The following LRRC57 variants were observed in gnomAD, a reference collection of about 807,000 sequenced individuals.
LRRC57 encodes leucine rich repeat containing 57.
A neutral mutation model predicts 23.1 loss-of-function variants in LRRC57; 14 were observed. The ratio of observed to expected loss-of-function variants is 0.61; its 90% CI spans 0.40 to 0.95. LRRC57 has a LOEUF of 0.95. Among genes scored for constraint, LRRC57 ranks in the 40% least tolerant of loss-of-function variants. The pLI, the probability that LRRC57 is intolerant of heterozygous loss-of-function variation, is 0.00. For missense variants in LRRC57, 236 were observed against 284.4 expected, an observed-to-expected ratio of 0.83 and a Z score of 1.22; for synonymous variants, 106 against 115.2, an observed-to-expected ratio of 0.92 and a Z score of 0.51.
rs749221618 is a variant in LRRC57, at chr15:42,547,432, G to C, written c.321C>G (p.Leu107=). The C allele has an allele frequency of 2.5e-6, 4 of 1,614,198 alleles. No individual in the cohort carries two copies. The highest frequency in any genetic ancestry group is 2.2e-5 in the East Asian group (1 of 44,884). The change falls in exon 4 of 6, where the codon CTC becomes CTG. Residue 107 remains leucine (L), a synonymous_variant. Transcript: ENST00000397130. ...LRELPSTFGQ[L]SALKTLSLSG... ...AGAGGCTCAGGGTCTTGAGGGCAGA[G>C]AGTTGCCCAAAGGTAGACGGCAGCT...
At chr15:42,546,202 A>G (rs2057657641) in intron 4 of LRRC57, among the ~76,000 whole-genome samples, 1 of 152,192 alleles carries the variant, frequency 6.6e-6, no homozygotes, top group African/African-American at 2.4e-5. Flanking sequence ...AATAACTAGC[A>G]ATGCAAGTTC....
downstream of LRRC57, among the ~76,000 whole-genome samples, chr15:42,533,811 A>G (rs566165761): frequency 1.8e-3 from 280 of 152,358 alleles, 3 homozygotes; most frequent in African/African-American, 6.5e-3. Context: ...CAATGAAGTG[A>G]GGCACATGAA....
At position 42,547,540 on chromosome 15, in the gene LRRC57, A is replaced by C. The variant is rs2057666143; in HGVS notation, c.224-11T>G. Reference sequence around the variant, plus strand: ...CATCAGGCAGAACAGCTGGCAAAGAAAAATTTTTTTAAAACCTGAATGTGA... The same window carrying C: ...CATCAGGCAGAACAGCTGGCAAAGACAAATTTTTTTAAAACCTGAATGTGA... On this transcript the variant is annotated splice_polypyrimidine_tract_variant and intron_variant, in intron 3 of 5. Coordinates refer to ENST00000397130, the MANE Select transcript of LRRC57 (RefSeq NM_153260.3). 1.3e-6 allele frequency: 2 copies of C among 1,592,806 alleles called. No individual in the cohort carries two copies. The highest frequency in any genetic ancestry group is 2.7e-5 in the African/African-American group (2 of 73,928).
At chr15:42,529,184 G>A in the LRRC57 span, among the ~76,000 whole-genome samples, 234 of 152,274 alleles carry the variant, frequency 1.5e-3, 2 homozygotes, top group Non-Finnish European at 2.6e-3. Flanking sequence ...GCACAGCTGT[G>A]TTTGAATAAC....
rs2057676337 is a variant in LRRC57, at chr15:42,548,408, A to G, written c.27T>C (p.His9=). The G allele has an allele frequency of 2.5e-6, 4 of 1,613,966 alleles. No individual in the cohort carries two copies. The highest frequency in any genetic ancestry group is 3.4e-6 in the Non-Finnish European group (4 of 1,180,036). Residue 9 remains histidine (H), a synonymous_variant, in exon 2 of 6, where the codon CAT becomes CAC. Coordinates refer to ENST00000397130, the MANE Select transcript of LRRC57 (RefSeq NM_153260.3). ...CACCAGTTTTCTGCGCCGTTTCCAC[A>G]TGAGCGCGGAGCGCACTGTTTCCCA... is the stretch of plus-strand genomic sequence containing the variant. The part of the protein sequence containing the change: MGNSALRA[H]VETAQKTGVF...
rs938074497 is a variant in LRRC57, at chr15:42,541,449, A to G, written c.*2634T>C. The stretch of plus-strand genomic sequence containing the variant: ...AACCTGGTAGGTGGAGGTTGCAGTG[A>G]GCCAAGATAGTGCTACTGCGCTCCA... On this transcript the variant is annotated 3_prime_UTR_variant, in exon 6 of 6. Coordinates refer to ENST00000397130, the MANE Select transcript of LRRC57 (RefSeq NM_153260.3). 1.3e-5 allele frequency: 2 copies of G among 152,272 alleles called. No individual in the cohort carries two copies. The highest frequency in any genetic ancestry group is 1.5e-5 in the Non-Finnish European group (1 of 68,062). 9.4% of individuals were successfully genotyped at this position (152,272 alleles called of 1,614,324 possible).
rs961553409 is a variant in LRRC57 at position 42,538,410 on chromosome 15, G to A, written c.*5673C>T. 6.6e-6 allele frequency: 1 copy of A among 152,102 alleles called. No individual in the cohort carries two copies. Among genetic ancestry groups the A allele is most frequent in the African/African-American group, 2.4e-5 (1 of 41,428 alleles). 9.4% of individuals were successfully genotyped at this position (152,102 alleles called of 1,614,324 possible). A position where few individuals can be genotyped will look rare whatever the true frequency, so the allele number is the denominator to read the frequency against. The stretch of plus-strand genomic sequence containing the variant: ...GGAATAAAAGAATGGCTACTCCATA[G>A]GCAGAGCAGCCTATTTTTTATTATT... On this transcript the variant is annotated 3_prime_UTR_variant, in exon 6 of 6. Transcript: ENST00000397130.
Position 42,543,960 on chromosome 15 carries a change from C to T in LRRC57, c.*123G>A. Reference sequence around the variant, plus strand: ...AAAAGATCATTGAGTGAAATATAATCTCCTGAAGTATCATCTCCTTACTGT... The same window carrying T: ...AAAAGATCATTGAGTGAAATATAATTTCCTGAAGTATCATCTCCTTACTGT... On this transcript the variant is annotated 3_prime_UTR_variant, in exon 6 of 6. Transcript: ENST00000397130. 1.6e-6 allele frequency: 1 copy of T among 629,544 alleles called. No individual in the cohort carries two copies. Among genetic ancestry groups the T allele is most frequent in the Admixed American group, 2.4e-5 (1 of 41,638 alleles). The allele number at this position is 629,544 out of a possible 1,614,324, so 39.0% of individuals were successfully genotyped here.
Position 42,548,763 on chromosome 15 carries a change from C to G in LRRC57, c.-93G>C, listed in dbSNP as rs950025862. On this transcript the variant is annotated 5_prime_UTR_variant, in exon 1 of 6. Coordinates refer to ENST00000397130, the MANE Select transcript of LRRC57 (RefSeq NM_153260.3). ...GACCCGCAGTAGCCGGGATGCGCTC[C>G]CCGGCTTAGTCCCGGGCGGGAACGC... 1 of 791,594 alleles carries G rather than the reference C, an allele frequency of 1.3e-6. No individual in the cohort carries two copies. The highest frequency in any genetic ancestry group is 2.0e-6 in the Non-Finnish European group (1 of 500,414). The allele number at this position is 791,594 out of a possible 1,614,324, so 49.0% of individuals were successfully genotyped here.
the LRRC57 span, chr15:42,532,355 G>A: frequency 6.6e-6 from 1 of 152,196 alleles, no homozygotes; most frequent in Non-Finnish European, 1.5e-5. Flanking sequence ...AAAGTACTGG[G>A]ATTACAGGCG....
At chr15:42,547,232 G>A in intron 4 of LRRC57, 29 bp downstream of exon 4, 20 of 1,604,070 alleles carry the variant, frequency 1.2e-5, no homozygotes, top group Non-Finnish European at 1.6e-5. Context: ...CACATATGCT[G>A]TAGGAAAAAA....
chr15:42,545,162 A>G lies in LRRC57; in HGVS notation c.593T>C (p.Leu198Pro), dbSNP rs1017236628. Residue 198 changes from leucine (L) to proline (P), a missense_variant, in exon 5 of 6, where the codon CTC (leucine) becomes CCC (proline). Physicochemically the swap from Leu to Pro is moderately conservative, Grantham distance 98 (BLOSUM62 -3). Coordinates refer to ENST00000397130, the MANE Select transcript of LRRC57 (RefSeq NM_153260.3). ...AAGCAGACAGATCTGGGAATCACTG[A>G]GGATGCTCTGGGGAAGCATGCTGAG... ...LELSMLPQSI[L>P]SDSQICLLAV... 6.2e-7 allele frequency: 1 copy of G among 1,612,100 alleles called. No individual in the cohort carries two copies. The highest frequency in any genetic ancestry group is 1.7e-5 in the Admixed American group (1 of 59,706).
Position 42,548,111 on chromosome 15 carries a change from T to A in LRRC57, c.218A>T (p.Lys73Ile). ...LLKSLSLNNN[K>I]LTVLPDEICN... is the part of the protein sequence containing the mutation. Reference sequence around the variant, plus strand: ...CTCCCTGGCGAGAGCCATACTCAGTTTGTTGTTGTTCAGGGAGAGGCTCTT... The same window carrying A: ...CTCCCTGGCGAGAGCCATACTCAGTATGTTGTTGTTCAGGGAGAGGCTCTT... Residue 73 changes from lysine to isoleucine, a missense_variant, in exon 3 of 6, where the codon AAA (lysine) becomes ATA (isoleucine). By Grantham distance (102) the Lys-to-Ile change is moderately radical. Coordinates refer to ENST00000397130, the MANE Select transcript of LRRC57 (RefSeq NM_153260.3). The A allele has an allele frequency of 6.2e-7, 1 of 1,614,140 alleles. No homozygotes were observed. The highest frequency in any genetic ancestry group is 8.5e-7 in the Non-Finnish European group (1 of 1,179,996).
Position 42,539,453 on chromosome 15 carries a change from G to A in LRRC57, c.*4630C>T, listed in dbSNP as rs563150732. ...AGATTGTGCCACTGCATTCCAACCTGGGCGAAACAGACAGCCTCTGTCTCA... is the reference window on the plus strand; with the variant it reads ...AGATTGTGCCACTGCATTCCAACCTAGGCGAAACAGACAGCCTCTGTCTCA... On this transcript the variant is annotated 3_prime_UTR_variant, in exon 6 of 6. Coordinates refer to ENST00000397130, the MANE Select transcript of LRRC57 (RefSeq NM_153260.3). 5.6e-5 allele frequency: 6 copies of A among 107,496 alleles called. No individual in the cohort carries two copies. The highest frequency in any genetic ancestry group is 1.8e-4 in the African/African-American group (5 of 27,786). 6.7% of individuals were successfully genotyped at this position (107,496 alleles called of 1,614,324 possible). A position where few individuals can be genotyped will look rare whatever the true frequency, so the allele number is the denominator to read the frequency against.
the LRRC57 span, chr15:42,531,628 T>C: frequency 1.9e-6 from 1 of 524,476 alleles, no homozygotes; most frequent in Admixed American, 3.7e-5. Flanking sequence ...GCCCTCCTTC[T>C]TTTTTGTTTT....
downstream of LRRC57, among the ~76,000 whole-genome samples, chr15:42,537,567 T>C (rs1485953944): frequency 1.3e-5 from 2 of 152,140 alleles, no homozygotes; most frequent in Non-Finnish European, 2.9e-5. Context: ...GAAATCAATA[T>C]ATTAAAGGGA....
intron 1 of LRRC57, 84 bp from the exon 2 acceptor site, chr15:42,548,540 C>A: frequency 9.0e-7 from 1 of 1,112,420 alleles, no homozygotes; most frequent in Non-Finnish European, 1.3e-6. Flanking sequence ...TCTCAACTCC[C>A]GCCGATCCCT....
intron 2 of LRRC57, 48 bp downstream of exon 2, chr15:42,548,303 C>A: frequency 6.2e-7 from 1 of 1,613,816 alleles, no homozygotes; most frequent in South Asian, 1.1e-5. Flanking sequence ...GCCGCCCCCG[C>A]CGTCCCTCTC....
downstream of LRRC57, among the ~76,000 whole-genome samples, chr15:42,535,505 G>T (rs376155502): frequency 6.6e-6 from 1 of 150,962 alleles, no homozygotes; most frequent in Non-Finnish European, 1.5e-5. Flanking sequence ...GAGTACAATG[G>T]TGCGATCTCA....
Sources: gnomAD v4.1 joint callset for allele counts (sites outside exome capture counted in the v4.1 genomes callset) on GRCh38, gnomAD v4.1.1 for gene constraint, MANE v1.5 for transcripts, NCBI Gene and HGNC (gene_info 2026-07-23, HGNC 2026-07-21) for gene names.